The following ST7 variants were observed in gnomAD, a reference collection of about 807,000 sequenced individuals.
ST7 encodes the protein suppressor of tumorigenicity 7 protein.
A neutral mutation model predicts 78.7 loss-of-function variants in ST7; 28 were observed. That is an observed-to-expected ratio of 0.36 (90% CI 0.26 to 0.49). ST7 has a LOEUF of 0.49. Among genes scored for constraint, ST7 ranks in the 20% least tolerant of loss-of-function variants. The pLI is 0.99. For missense variants in ST7, 418 were observed against 696.0 expected, an observed-to-expected ratio of 0.60 and a Z score of 4.49; for synonymous variants, 247 against 249.6, an observed-to-expected ratio of 0.99 and a Z score of 0.10.
In ST7 at chr7:117,220,864, C is replaced by T. The variant is rs1164471203; in HGVS notation, c.1499-1059C>T. Among the ~76,000 whole-genome samples the T allele has an allele frequency of 1.3e-5, 2 of 152,190 alleles. 1 individual carries two copies. Among genetic ancestry groups the T allele is most frequent in the African/African-American group, 4.8e-5 (2 of 41,444 alleles). ...CATATTCGTCTGCATGGAGTTCCTC[C>T]TGGATTCCCTCCACCCTCAGTATTA... is the stretch of plus-strand genomic sequence containing the variant. On this transcript the variant is annotated intron_variant, in intron 14 of 15. Coordinates refer to ENST00000323984, the MANE Select transcript of ST7 (RefSeq NM_001369598.1).
intron 1 of ST7, among the ~76,000 whole-genome samples, chr7:116,967,707 A>C (rs1293409978): frequency 6.6e-6 from 1 of 152,244 alleles, no homozygotes; most frequent in Non-Finnish European, 1.5e-5. Flanking sequence ...TAAATGAGAT[A>C]CTATGAAAAA....
chr7:117,122,714 A>T (rs2116964737), intron 3 of ST7, among the ~76,000 whole-genome samples: 1 of 152,302 alleles, frequency 6.6e-6, no homozygotes, highest in South Asian at 2.1e-4. Flanking sequence ...CCACTTCTTG[A>T]CATTTGGGCT....
chr7:117,044,608 CT>C (rs145575712), intron 1 of ST7, among the ~76,000 whole-genome samples: 12,628 of 152,130 alleles, frequency 0.083, 570 homozygotes, highest in East Asian at 0.13. Context: ...GCCTTGGCCC[CT>C]AAGGTAGGGG....
At chr7:117,017,792 A>G (rs1025553707) in intron 1 of ST7, among the ~76,000 whole-genome samples, 1 of 152,210 alleles carries the variant, frequency 6.6e-6, no homozygotes, top group African/African-American at 2.4e-5. Context: ...CATTTTGGTC[A>G]AAGATGGGTC....
intron 10 of ST7, among the ~76,000 whole-genome samples, chr7:117,175,368 G>A (rs1031361469): frequency 6.6e-6 from 1 of 152,330 alleles, no homozygotes; most frequent in Middle Eastern, 3.4e-3. Context: ...CAAAGATTAG[G>A]GTGGGAGTGT....
intron 3 of ST7, among the ~76,000 whole-genome samples, chr7:117,120,073 G>GGT (rs1331749428): frequency 6.6e-6 from 1 of 151,986 alleles, no homozygotes; most frequent in Non-Finnish European, 1.5e-5. Flanking sequence ...TGAGACCACA[G>GGT]GTGTGCACCA....
chr7:117,159,521 A>G (rs2402158), intron 9 of ST7, among the ~76,000 whole-genome samples: 10,638 of 152,292 alleles, frequency 0.07, 501 homozygotes, highest in East Asian at 0.19. Context: ...GAACTATGCT[A>G]GATAGTGAGC....
rs199925144 is a variant in ST7, at chr7:116,967,319, A to G, written c.151+13628A>G. The G allele has an allele frequency of 2.0e-4, 96 of 470,982 alleles. 1 individual carries two copies. The highest frequency in any genetic ancestry group is 3.5e-4 in the Non-Finnish European group (80 of 227,052). The allele number at this position is 470,982 out of a possible 1,614,324, so 29.2% of individuals were successfully genotyped here. The stretch of plus-strand genomic sequence containing the variant: ...CAGTGGTGGTGGCCATTAATGACCA[A>G]TTCTGCCTTTGAGTGCTCCACTTGC... On this transcript the variant is annotated intron_variant, in intron 1 of 15. Coordinates refer to ENST00000323984, the MANE Select transcript of ST7 (RefSeq NM_001369598.1).
chr7:117,116,249 G>T (rs1471439997), intron 2 of ST7, among the ~76,000 whole-genome samples: 1 of 152,148 alleles, frequency 6.6e-6, no homozygotes, highest in Non-Finnish European at 1.5e-5. Context: ...TTAATTTTTT[G>T]GTTGTCAGAC....
intron 10 of ST7, among the ~76,000 whole-genome samples, chr7:117,187,141 A>G (rs1040728895): frequency 2.0e-5 from 3 of 152,214 alleles, no homozygotes; most frequent in Non-Finnish European, 4.4e-5. Flanking sequence ...AAGTAGATGT[A>G]ATGTTTTTAC....
At chr7:116,979,668 T>C (rs759468078) in intron 1 of ST7, among the ~76,000 whole-genome samples, 1 of 152,194 alleles carries the variant, frequency 6.6e-6, no homozygotes, top group Non-Finnish European at 1.5e-5. Context: ...TATAATCTTA[T>C]TACAGTAATC....
intron 1 of ST7, among the ~76,000 whole-genome samples, chr7:117,032,803 T>A (rs1458862765): frequency 6.6e-6 from 1 of 152,224 alleles, no homozygotes; most frequent in East Asian, 1.9e-4. Flanking sequence ...AGTTAATTAG[T>A]GTAGTCTTTT....
chr7:116,965,967 A>G, intron 1 of ST7: 1 of 351,036 alleles, frequency 2.8e-6, no homozygotes, highest in Non-Finnish European at 5.8e-6. Context: ...TAGTGGTCAC[A>G]GGCAAGAGAT....
intron 8 of ST7, among the ~76,000 whole-genome samples, chr7:117,137,680 A>G (rs1025697793): frequency 2.0e-5 from 3 of 152,190 alleles, no homozygotes; most frequent in Non-Finnish European, 4.4e-5. Flanking sequence ...TACTTAATCT[A>G]TAACAGGTGT....
chr7:117,226,399 C>T (rs756882215), intron 15 of ST7, among the ~76,000 whole-genome samples: 1 of 152,036 alleles, frequency 6.6e-6, no homozygotes, highest in Non-Finnish European at 1.5e-5. Context: ...TTTTAGACAT[C>T]GAGATAAATA....
intron 3 of ST7, among the ~76,000 whole-genome samples, chr7:117,120,411 G>A (rs550146723): frequency 2.0e-5 from 3 of 152,262 alleles, no homozygotes; most frequent in African/African-American, 7.2e-5. Flanking sequence ...TGCTTAAAAG[G>A]TATCATTGGT....
intron 1 of ST7, among the ~76,000 whole-genome samples, chr7:117,033,465 C>G (rs1387077905): frequency 6.6e-6 from 1 of 151,364 alleles, no homozygotes; most frequent in East Asian, 1.9e-4. Context: ...GCTCTGTTGC[C>G]CAGGCTGGAG....
At chr7:117,002,206 C>T (rs1051475192) in intron 1 of ST7, among the ~76,000 whole-genome samples, 3 of 151,848 alleles carry the variant, frequency 2.0e-5, no homozygotes, top group South Asian at 2.1e-4. Context: ...CCAGCCTGGG[C>T]GACAGAGCAA....
intron 9 of ST7, among the ~76,000 whole-genome samples, chr7:117,162,806 A>G (rs537741712): frequency 1.2e-4 from 18 of 152,200 alleles, no homozygotes; most frequent in African/African-American, 4.1e-4. Context: ...CTGGTCTCCT[A>G]TCTGTTTTTG....
Sources: allele counts gnomAD v4.1 joint callset (sites outside exome capture counted in the v4.1 genomes callset), GRCh38; gene constraint gnomAD v4.1.1; transcripts MANE v1.5; gene names NCBI Gene and HGNC (gene_info 2026-07-23, HGNC 2026-07-21).